DENND1A: variants seen among roughly 807,000 people sequenced by gnomAD.
DENND1A encodes DENN domain containing 1A.
DENND1A carries 51 observed loss-of-function variants against 113.7 expected under a neutral mutation model. The observed-to-expected ratio is 0.45, with a 90% CI of 0.36 to 0.57. The LOEUF is 0.57. DENND1A is among the 20% of genes least tolerant of loss of function. The probability of loss-of-function intolerance (pLI) is 0.00; values close to 1 mark genes in which losing one functional copy is unlikely to be tolerated. For synonymous variants in DENND1A, 565 were observed against 570.8 expected (o/e 0.99, Z 0.14); for missense variants, 1,258 against 1,395.9 (o/e 0.90, Z 1.57).
chr9:123,725,380 C>T (rs1009319746), intron 5 of DENND1A, among the ~76,000 whole-genome samples: 1 of 152,176 alleles, frequency 6.6e-6, no homozygotes, highest in Non-Finnish European at 1.5e-5. Flanking sequence ...TCCTTCTGTC[C>T]CGCATGCAAA....
chr9:123,709,372 C>A (rs900580672), intron 5 of DENND1A, among the ~76,000 whole-genome samples: 1 of 152,184 alleles, frequency 6.6e-6, no homozygotes, highest in African/African-American at 2.4e-5. Flanking sequence ...AGCACTGATT[C>A]TTATACTGGG....
At chr9:123,534,879 T>G (rs147612662) in intron 13 of DENND1A, among the ~76,000 whole-genome samples, 81 of 152,356 alleles carry the variant, frequency 5.3e-4, no homozygotes, top group African/African-American at 1.9e-3. Context: ...GTTGCAAGTA[T>G]TATCTTCCTG....
intron 5 of DENND1A, among the ~76,000 whole-genome samples, chr9:123,729,687 A>T (rs1443640628): frequency 2.6e-5 from 4 of 152,204 alleles, no homozygotes; most frequent in Admixed American, 2.0e-4. Flanking sequence ...TACTGCCCAG[A>T]GTAATGTATA....
At chr9:123,734,991 C>T (rs191707607) in intron 5 of DENND1A, among the ~76,000 whole-genome samples, 84 of 152,092 alleles carry the variant, frequency 5.5e-4, no homozygotes, top group African/African-American at 1.8e-3. Flanking sequence ...GCTCTCATTA[C>T]GTAGATGGAG....
chr9:123,584,535 TC>T (rs2059072707), intron 11 of DENND1A, among the ~76,000 whole-genome samples: 1 of 152,208 alleles, frequency 6.6e-6, no homozygotes, highest in South Asian at 2.1e-4. Flanking sequence ...CTGCTCAAGC[TC>T]CAGTTTCCAA....
At chr9:123,737,458 G>A (rs796950123) in intron 5 of DENND1A, among the ~76,000 whole-genome samples, 8 of 152,234 alleles carry the variant, frequency 5.3e-5, no homozygotes, top group African/African-American at 1.7e-4. Flanking sequence ...AAAGCACTAG[G>A]ATTACAGATG....
chr9:123,527,018 A>G (rs936397336), intron 13 of DENND1A, among the ~76,000 whole-genome samples: 1 of 152,036 alleles, frequency 6.6e-6, no homozygotes, highest in Non-Finnish European at 1.5e-5. Flanking sequence ...TTCCCTCCCA[A>G]ACTGGTTCTT....
intron 5 of DENND1A, among the ~76,000 whole-genome samples, chr9:123,739,761 G>A (rs964674465): frequency 3.9e-5 from 6 of 151,974 alleles, no homozygotes; most frequent in African/African-American, 1.2e-4. Flanking sequence ...GCATTAGGGG[G>A]AAAATCTTTA....
chr9:123,554,276 G>T (rs550825407), intron 13 of DENND1A, among the ~76,000 whole-genome samples: 70 of 152,070 alleles, frequency 4.6e-4, no homozygotes, highest in African/African-American at 1.4e-3. Context: ...AGGCTGGAAT[G>T]CAGTGGCACC....
intron 8 of DENND1A, among the ~76,000 whole-genome samples, chr9:123,655,457 T>C (rs1205770916): frequency 6.6e-6 from 1 of 151,956 alleles, no homozygotes; most frequent in African/African-American, 2.4e-5. Context: ...CTGAGCCAGA[T>C]GAAGCAATTG....
At chr9:123,835,557 G>A (rs542843852) in intron 2 of DENND1A, among the ~76,000 whole-genome samples, 1 of 151,328 alleles carries the variant, frequency 6.6e-6, no homozygotes, top group African/African-American at 2.4e-5. Context: ...AAAAATCAAA[G>A]GATCCTTCCA....
At chr9:123,688,395 T>C (rs990137130) in intron 5 of DENND1A, among the ~76,000 whole-genome samples, 1 of 152,236 alleles carries the variant, frequency 6.6e-6, no homozygotes, top group African/African-American at 2.4e-5. Context: ...ACAGCATTCA[T>C]TCACTCATTC....
chr9:123,598,419 G>C (rs1056945197), intron 11 of DENND1A, among the ~76,000 whole-genome samples: 7 of 149,962 alleles, frequency 4.7e-5, no homozygotes, highest in Middle Eastern at 3.4e-3. Flanking sequence ...GTTGGGGGAG[G>C]GGGGAAAATC....
intron 8 of DENND1A, among the ~76,000 whole-genome samples, chr9:123,662,500 T>A (rs893807353): frequency 2.0e-5 from 3 of 152,108 alleles, no homozygotes; most frequent in Non-Finnish European, 4.4e-5. Flanking sequence ...GAGGTGGAGT[T>A]TGCAGTGAGC....
rs1208863629 is a variant in DENND1A, at chr9:123,864,020, C to G, written c.88+14931G>C. Among the ~76,000 whole-genome samples the G allele has an allele frequency of 3.3e-5, 5 of 149,844 alleles. No individual in the cohort carries two copies. The East Asian group carries it at 9.7e-4, about 29-fold the overall frequency. ...AAAAAAACACACAGAAAATCATTAT[C>G]GAGAGTTTCAAAGACTCTATAGTCC... On this transcript the variant is annotated intron_variant, in intron 2 of 23. Transcript: ENST00000394215.
chr9:123,686,151 G>A (rs1042833504), intron 5 of DENND1A, among the ~76,000 whole-genome samples: 9 of 152,174 alleles, frequency 5.9e-5, no homozygotes, highest in African/African-American at 2.2e-4. Flanking sequence ...GCAGTAAGGG[G>A]GGAAACTAGG....
At chr9:123,882,267 T>C (rs747216978) in intron 1 of DENND1A, among the ~76,000 whole-genome samples, 8 of 151,200 alleles carry the variant, frequency 5.3e-5, no homozygotes, top group African/African-American at 9.7e-5. Context: ...CGCAGGAGGA[T>C]TGTTTGAGGC....
Position 123,381,582 on chromosome 9 carries a change from T to C in DENND1A, c.3063A>G (p.Pro1021=). ...GTTGAGGAGCAGAGGGCTGCAGTGT[T>C]GGCTCCAGGCCTTGAGGGGGCCTGG... ...LPPRPPQGLE[P]TLQPSAPQQA... is the part of the protein sequence containing the mutation. Residue 1021 remains proline (P), a synonymous_variant, in exon 24 of 24, where the codon CCA becomes CCG. Coordinates refer to ENST00000394215, the MANE Select transcript of DENND1A (RefSeq NM_001352964.2). The surrounding 1 kb of genome is among the most constrained non-coding windows in gnomAD (Gnocchi z 4.7). 1 of 1,613,504 alleles carries C rather than the reference T, an allele frequency of 6.2e-7. No homozygotes were observed. The highest frequency in any genetic ancestry group is 8.5e-7 in the Non-Finnish European group (1 of 1,179,930).
intron 5 of DENND1A, among the ~76,000 whole-genome samples, chr9:123,733,189 C>T (rs1219789710): frequency 6.6e-6 from 1 of 152,102 alleles, no homozygotes; most frequent in East Asian, 1.9e-4. Flanking sequence ...CCATGTAGGT[C>T]AGGCGGGTCT....
Sources: allele counts gnomAD v4.1 joint callset (sites outside exome capture counted in the v4.1 genomes callset), GRCh38; gene constraint gnomAD v4.1.1; non-coding constraint Gnocchi (gnomAD v3.1); transcripts MANE v1.5; gene names NCBI Gene and HGNC (gene_info 2026-07-23, HGNC 2026-07-21).